ATXN8OS: variants seen among roughly 807,000 people sequenced by gnomAD.
ATXN8OS encodes the protein ATXN8 opposite strand (non-protein coding).
chr13:70,138,965 G>A (rs1044542767), intron 3 of ATXN8OS, among the ~76,000 whole-genome samples: 3 of 151,928 alleles, frequency 2.0e-5, no homozygotes, highest in Admixed American at 2.0e-4. Context: ...TTTCTCATTG[G>A]TAATATTCAT....
In ATXN8OS at chr13:70,147,212, A is replaced by G. The variant is rs117547407; in HGVS notation, n.500-143A>G. On this transcript the variant is annotated intron_variant and non_coding_transcript_variant, in intron 3 of 4. Transcript: ENST00000678624. ...GGGACTTGCGTTCTAGAAAAGAAATATTGTTCACTGTTTTAAAAACTAATA... is the reference window on the plus strand; with the variant it reads ...GGGACTTGCGTTCTAGAAAAGAAATGTTGTTCACTGTTTTAAAAACTAATA... 1.1e-3 allele frequency among the ~76,000 whole-genome samples: 162 copies of G among 152,304 alleles called. 2 individuals carry two copies. The South Asian group carries it at 0.02, about 19-fold the overall frequency.
Position 70,154,531 on chromosome 13 carries a change from T to A in ATXN8OS, n.573+7103T>A, listed in dbSNP as rs113377597. Among the ~76,000 whole-genome samples, 389 of 152,238 alleles carry A rather than the reference T, an allele frequency of 2.6e-3. 3 individuals are homozygous for A. The highest frequency in any genetic ancestry group is 8.5e-3 in the African/African-American group (353 of 41,550). The stretch of plus-strand genomic sequence containing the variant: ...CTGAAGACATATCTTTTGGTGTTGG[T>A]ACTGAGGCGGGAAATTAAAGAAAGA... On this transcript the variant is annotated intron_variant and non_coding_transcript_variant, in intron 4 of 4. Coordinates refer to ENST00000678624, the Ensembl canonical transcript of ATXN8OS.
intron 2 of ATXN8OS, among the ~76,000 whole-genome samples, chr13:70,127,584 G>T (rs569274828): frequency 6.6e-6 from 1 of 151,978 alleles, no homozygotes; most frequent in East Asian, 1.9e-4. Context: ...TTAGAAACCA[G>T]ATTGAAGAAA....
upstream of ATXN8OS, chr13:70,107,600 C>T (rs41283978): frequency 3.1e-5 from 50 of 1,593,512 alleles, no homozygotes; most frequent in African/African-American, 9.4e-5. Flanking sequence ...CAGCCTCCCC[C>T]CGCCGGGCCG....
intron 2 of ATXN8OS, among the ~76,000 whole-genome samples, chr13:70,127,888 T>A (rs1888466572): frequency 1.3e-5 from 2 of 152,096 alleles, no homozygotes; most frequent in African/African-American, 4.8e-5. Flanking sequence ...TAATTGTAGA[T>A]AGAATTCATG....
intron 4 of ATXN8OS, among the ~76,000 whole-genome samples, chr13:70,161,743 G>A (rs1889010860): frequency 6.9e-6 from 1 of 145,296 alleles, no homozygotes; most frequent in Non-Finnish European, 1.5e-5. Flanking sequence ...TTGTAGTTAT[G>A]GTATAAGTAT....
chr13:70,139,389 GCTGCTGCT>G, intron 3 of ATXN8OS: 1 of 334,022 alleles, frequency 3.0e-6, no homozygotes, highest in Non-Finnish European at 4.8e-6. Context: ...TACTACTGCT[GCTGCTGCT>G]GCTGCTGCTG....
chr13:70,122,713 C>A (rs935285461), intron 2 of ATXN8OS, among the ~76,000 whole-genome samples: 1 of 151,764 alleles, frequency 6.6e-6, no homozygotes, highest in Non-Finnish European at 1.5e-5. Flanking sequence ...TAATAGAATT[C>A]AACAAGTCCA....
intron 3 of ATXN8OS, among the ~76,000 whole-genome samples, chr13:70,139,974 T>C (rs1347914630): frequency 6.6e-6 from 1 of 152,134 alleles, no homozygotes; most frequent in Non-Finnish European, 1.5e-5. Flanking sequence ...TAAACCCATA[T>C]AGTTCTCCCA....
exon 5 of ATXN8OS, among the ~76,000 whole-genome samples, chr13:70,171,068 T>C (rs1223150653): frequency 1.3e-5 from 2 of 152,148 alleles, no homozygotes; most frequent in Non-Finnish European, 1.5e-5. Flanking sequence ...CAGAGTTTAA[T>C]TGAGCAAAGA....
chr13:70,152,378 T>C (rs1204802060), intron 4 of ATXN8OS, among the ~76,000 whole-genome samples: 1 of 151,950 alleles, frequency 6.6e-6, no homozygotes, highest in Non-Finnish European at 1.5e-5. Flanking sequence ...CATATATATG[T>C]ATACATATAT....
intron 3 of ATXN8OS, among the ~76,000 whole-genome samples, chr13:70,142,098 G>A (rs928614328): frequency 6.6e-6 from 1 of 152,052 alleles, no homozygotes; most frequent in South Asian, 2.1e-4. Context: ...TGACCAGGCT[G>A]GTCTCAAACT....
At position 70,121,246 on chromosome 13, in the gene ATXN8OS, G is replaced by A. The variant is rs114034404; in HGVS notation, n.398+5948G>A. 4.5e-3 allele frequency among the ~76,000 whole-genome samples: 685 copies of A among 152,088 alleles called. 8 individuals carry two copies. Among genetic ancestry groups the A allele is most frequent in the African/African-American group, 0.015 (628 of 41,472 alleles). On this transcript the variant is annotated intron_variant and non_coding_transcript_variant, in intron 2 of 4. Coordinates refer to ENST00000678624, the Ensembl canonical transcript of ATXN8OS. Reference sequence around the variant, plus strand: ...GCAGGAAACCTCACAAATTAGACAGGGAATGACTACTGAAAGCCACTCGGG... The same window carrying A: ...GCAGGAAACCTCACAAATTAGACAGAGAATGACTACTGAAAGCCACTCGGG...
At chr13:70,131,621 T>A in intron 3 of ATXN8OS, 1 of 397,072 alleles carries the variant, frequency 2.5e-6, no homozygotes. Flanking sequence ...TTCTCCTCCG[T>A]GTTTAGAGCT....
chr13:70,166,667 A>C (rs1889080124), intron 4 of ATXN8OS, among the ~76,000 whole-genome samples: 1 of 152,134 alleles, frequency 6.6e-6, no homozygotes, highest in African/African-American at 2.4e-5. Context: ...AAATTGACAA[A>C]TGGGATCTAA....
At chr13:70,112,432 A>T (rs1482902252) in intron 1 of ATXN8OS, among the ~76,000 whole-genome samples, 2 of 152,162 alleles carry the variant, frequency 1.3e-5, no homozygotes, top group Non-Finnish European at 2.9e-5. Flanking sequence ...AATGATTGAA[A>T]CATAATATCA....
chr13:70,156,329 G>T, intron 4 of ATXN8OS, among the ~76,000 whole-genome samples: 1 of 151,682 alleles, frequency 6.6e-6, no homozygotes, highest in East Asian at 1.9e-4. Context: ...TCAAATTCTA[G>T]CAGATTTGAG....
intron 3 of ATXN8OS, among the ~76,000 whole-genome samples, chr13:70,142,220 G>T (rs746954878): frequency 6.6e-6 from 1 of 152,082 alleles, no homozygotes; most frequent in African/African-American, 2.4e-5. Flanking sequence ...GTATTTGTGT[G>T]TTTCTAGTAT....
At position 70,120,849 on chromosome 13, in the gene ATXN8OS, C is replaced by G. The variant is rs976063597; in HGVS notation, n.398+5551C>G. Among the ~76,000 whole-genome samples the G allele has an allele frequency of 1.6e-4, 24 of 149,434 alleles. 1 individual carries two copies. The highest frequency in any genetic ancestry group is 8.8e-4 in the Admixed American group (13 of 14,796). On this transcript the variant is annotated intron_variant and non_coding_transcript_variant, in intron 2 of 4. Coordinates refer to ENST00000678624, the Ensembl canonical transcript of ATXN8OS. Reference sequence around the variant, plus strand: ...AAAAACCAAACATCACATGTTCTCACTCATAGGTGGGAACTGAACAATGAG... The same window carrying G: ...AAAAACCAAACATCACATGTTCTCAGTCATAGGTGGGAACTGAACAATGAG...
Sources: gnomAD v4.1 joint callset for allele counts (sites outside exome capture counted in the v4.1 genomes callset) on GRCh38, gnomAD v4.1.1 for gene constraint, MANE v1.5 for transcripts, NCBI Gene and HGNC (gene_info 2026-07-23, HGNC 2026-07-21) for gene names.